The following CNIH3 variants were observed in gnomAD, a reference collection of about 807,000 sequenced individuals.
CNIH3 encodes cornichon family AMPA receptor auxiliary protein 3, also known as protein cornichon homolog 3.
Under a neutral mutation model 24.1 loss-of-function variants are expected in CNIH3, and 14 were observed. The ratio of observed to expected loss-of-function variants is 0.58; its 90% CI spans 0.38 to 0.91. CNIH3 has a LOEUF of 0.91. CNIH3 is among the 40% of genes least tolerant of loss of function. The probability of loss-of-function intolerance (pLI) is 0.00; values close to 1 mark genes in which losing one functional copy is unlikely to be tolerated. For missense variants in CNIH3, 178 were observed against 196.8 expected, an observed-to-expected ratio of 0.90 and a Z score of 0.57; for synonymous variants, 68 against 73.8, an observed-to-expected ratio of 0.92 and a Z score of 0.40.
chr1:224,457,722 C>A (rs1017295534), intron 1 of CNIH3, among the ~76,000 whole-genome samples: 1 of 152,120 alleles, frequency 6.6e-6, no homozygotes, highest in African/African-American at 2.4e-5. Flanking sequence ...GTGGTCATTT[C>A]AAAAACTGCA....
At chr1:224,444,346 T>C (rs897687950) in intron 1 of CNIH3, among the ~76,000 whole-genome samples, 1 of 152,134 alleles carries the variant, frequency 6.6e-6, no homozygotes, top group Non-Finnish European at 1.5e-5. Context: ...GGCCCACATG[T>C]GGCATTTGGT....
chr1:224,719,355 T>C (rs1572802792), intron 3 of CNIH3, among the ~76,000 whole-genome samples: 1 of 152,080 alleles, frequency 6.6e-6, no homozygotes, highest in South Asian at 2.1e-4. Context: ...CCAGAACACA[T>C]GGTGTTTCTG....
Position 224,525,670 on chromosome 1 carries a change from C to G in CNIH3, n.343+4343C>G, listed in dbSNP as rs147906213. Among the ~76,000 whole-genome samples the G allele has an allele frequency of 3.0e-3, 456 of 152,274 alleles. 2 individuals carry two copies. Among genetic ancestry groups the G allele is most frequent in the African/African-American group, 0.01 (436 of 41,546 alleles). Reference sequence around the variant, plus strand: ...GGGCCTAGGATAGCATGGAATATAGCAAGATCTGTGGTGTTCAAGGGTCAG... The same window carrying G: ...GGGCCTAGGATAGCATGGAATATAGGAAGATCTGTGGTGTTCAAGGGTCAG... On this transcript the variant is annotated intron_variant and non_coding_transcript_variant, in intron 2 of 2. Coordinates refer to the CNIH3 transcript ENST00000470602.
At chr1:224,516,044 C>T (rs1572396345) in intron 1 of CNIH3, among the ~76,000 whole-genome samples, 4 of 151,994 alleles carry the variant, frequency 2.6e-5, no homozygotes, top group East Asian at 1.9e-4. Context: ...TGCCCAGGCG[C>T]GGTGGCTTAC....
chr1:224,497,771 G>A (rs972032975), intron 1 of CNIH3, among the ~76,000 whole-genome samples: 1 of 152,190 alleles, frequency 6.6e-6, no homozygotes, highest in Non-Finnish European at 1.5e-5. Flanking sequence ...GTGGTCAGAT[G>A]CTCCTGACTA....
exon 6 of CNIH3, chr1:224,588,394 G>C (rs1482874437): frequency 6.6e-6 from 1 of 152,170 alleles, no homozygotes; most frequent in Non-Finnish European, 1.5e-5. Context: ...CGGCAGGAGT[G>C]TGAGATCTAT....
At chr1:224,645,116 A>T (rs1414092815) in intron 1 of CNIH3, among the ~76,000 whole-genome samples, 1 of 152,194 alleles carries the variant, frequency 6.6e-6, no homozygotes, top group East Asian at 1.9e-4. Flanking sequence ...AGTTTTACAG[A>T]TGCAGAAATA....
chr1:224,522,154 GA>G (rs1678661423), intron 2 of CNIH3, among the ~76,000 whole-genome samples: 1 of 152,212 alleles, frequency 6.6e-6, no homozygotes, highest in Non-Finnish European at 1.5e-5. Flanking sequence ...GCTACTTCCT[GA>G]AGTTCTTAGT....
chr1:224,671,044 A>C (rs573635844), intron 1 of CNIH3, among the ~76,000 whole-genome samples: 1 of 152,392 alleles, frequency 6.6e-6, no homozygotes, highest in East Asian at 1.9e-4. Flanking sequence ...GAATTCTGTC[A>C]GCAGACGGCC....
At chr1:224,573,116 C>A (rs1335735544) in intron 4 of CNIH3, among the ~76,000 whole-genome samples, 2 of 152,180 alleles carry the variant, frequency 1.3e-5, no homozygotes, top group South Asian at 2.1e-4. Flanking sequence ...GTAATGTTCC[C>A]AGCATCGTTT....
At chr1:224,581,114 A>G (rs924649685) in intron 4 of CNIH3, among the ~76,000 whole-genome samples, 1 of 152,158 alleles carries the variant, frequency 6.6e-6, no homozygotes, top group South Asian at 2.1e-4. Flanking sequence ...TTGGCTTCCA[A>G]GCTTAATTTT....
In CNIH3 at chr1:224,563,459, G is replaced by GT. The variant is rs1196274646; in HGVS notation, n.451-2740_451-2739insT. On this transcript the variant is annotated intron_variant and non_coding_transcript_variant, in intron 3 of 5. Transcript: ENST00000471578. ...ATACTACATTGAAATATTTTAGACGGGGTGTGTGTGTGTGTGTGTGTGTGT... is the reference window on the plus strand; with the variant it reads ...ATACTACATTGAAATATTTTAGACGGTGGTGTGTGTGTGTGTGTGTGTGTGT... 1.9e-4 allele frequency among the ~76,000 whole-genome samples: 23 copies of GT among 119,652 alleles called. No homozygotes were observed. The South Asian group carries it at 2.1e-3, about 11-fold the overall frequency. 78.5% of individuals were successfully genotyped at this position (119,652 alleles called of 152,430 possible).
intron 5 of CNIH3, among the ~76,000 whole-genome samples, chr1:224,736,935 G>GCCA (rs1689622147): frequency 6.6e-6 from 1 of 152,206 alleles, no homozygotes; most frequent in African/African-American, 2.4e-5. Flanking sequence ...GCTCAACCCT[G>GCCA]CTTTCTTTGT....
At chr1:224,659,632 G>T (rs1238454531) in intron 1 of CNIH3, among the ~76,000 whole-genome samples, 1 of 152,154 alleles carries the variant, frequency 6.6e-6, no homozygotes, top group Non-Finnish European at 1.5e-5. Flanking sequence ...TTGAGCAGGG[G>T]AACAGCATGA....
At chr1:224,546,514 G>T (rs1156697687) in intron 2 of CNIH3, among the ~76,000 whole-genome samples, 1 of 152,138 alleles carries the variant, frequency 6.6e-6, no homozygotes, top group Non-Finnish European at 1.5e-5. Context: ...GGGAAATTAG[G>T]AGGAGAGGTC....
At chr1:224,653,724 T>C (rs1016660818) in intron 1 of CNIH3, among the ~76,000 whole-genome samples, 1 of 152,144 alleles carries the variant, frequency 6.6e-6, no homozygotes, top group African/African-American at 2.4e-5. Context: ...ACCTCAAGAG[T>C]CAGTATGGCC....
At chr1:224,511,107 A>T (rs565759181), upstream of CNIH3, among the ~76,000 whole-genome samples, 1 of 152,356 alleles carries the variant, frequency 6.6e-6, no homozygotes, top group African/African-American at 2.4e-5. Context: ...TTAAAGGCAC[A>T]GTGCATTACA....
intron 1 of CNIH3, among the ~76,000 whole-genome samples, chr1:224,465,758 T>C (rs575068623): frequency 7.7e-4 from 118 of 152,332 alleles, no homozygotes; most frequent in African/African-American, 2.7e-3. Flanking sequence ...GCGGGTGCTG[T>C]GGCTCACGCC....
At chr1:224,651,234 G>A (rs1432093322) in intron 1 of CNIH3, among the ~76,000 whole-genome samples, 1 of 152,176 alleles carries the variant, frequency 6.6e-6, no homozygotes, top group Non-Finnish European at 1.5e-5. Flanking sequence ...TGGTAAAATA[G>A]TATGGGGAGT....
Sources: gnomAD v4.1 joint callset for allele counts (sites outside exome capture counted in the v4.1 genomes callset) on GRCh38, gnomAD v4.1.1 for gene constraint, MANE v1.5 for transcripts, NCBI Gene and HGNC (gene_info 2026-07-23, HGNC 2026-07-21) for gene names.